OTOGL: variants seen among roughly 807,000 people sequenced by gnomAD.
The protein encoded by OTOGL is otogelin-like protein.
OTOGL carries 285 observed loss-of-function variants against 318.5 expected under a neutral mutation model. That is an observed-to-expected ratio of 0.89 (90% CI 0.81 to 0.99). The LOEUF (loss-of-function observed/expected upper bound fraction) is 0.99, where lower values mean the gene tolerates loss of function less well. Ranked by LOEUF, OTOGL falls within the 50% of genes least tolerant of loss-of-function variation. The probability of loss-of-function intolerance (pLI) is 0.00; values close to 1 mark genes in which losing one functional copy is unlikely to be tolerated. For synonymous variants in OTOGL, 987 were observed against 936.5 expected (o/e 1.05, Z -0.99); for missense variants, 2,899 against 2,845.6 (o/e 1.02, Z -0.43).
chr12:80,210,952 A>G, intron 3 of OTOGL, 66 bp downstream of exon 3: 2 of 1,101,810 alleles, frequency 1.8e-6, no homozygotes, highest in Admixed American at 6.6e-5. Flanking sequence ...AAACCTCAGC[A>G]GGCAACTATA....
chr12:80,262,064 T>C lies in OTOGL; in HGVS notation c.1985T>C (p.Val662Ala), dbSNP rs1014677354. The change falls in exon 19 of 59, where the codon GTG becomes GCG. Residue 662 changes from valine (V) to alanine (A), a missense_variant. By Grantham distance (64) the Val-to-Ala change is moderately conservative. Around this residue, in one of 3 missense-constraint regions of OTOGL, gnomAD observed 2,607 missense variants for 2,524.9 expected, o/e 1.03. Transcript: ENST00000547103. ...TCFAPVHVPV[V>A]DPCNINQQNI... ...TTTGCACCTGTTCATGTCCCAGTGG[T>C]GGACCCCTGTAACATCAATCAACAA... The C allele has an allele frequency of 1.2e-6, 2 of 1,612,188 alleles. No individual in the cohort carries two copies. The highest frequency in any genetic ancestry group is 8.5e-7 in the Non-Finnish European group (1 of 1,178,834).
At chr12:80,377,746 G>T in intron 58 of OTOGL, 102 bp from the exon 59 acceptor site, 1 of 902,906 alleles carries the variant, frequency 1.1e-6, no homozygotes, top group South Asian at 1.7e-5. Context: ...GGGTTGGAGT[G>T]ATGAGGAAGA....
At chr12:80,168,535 T>A (rs1329719226) in intron 1 of OTOGL, among the ~76,000 whole-genome samples, 1 of 152,304 alleles carries the variant, frequency 6.6e-6, no homozygotes, top group African/African-American at 2.4e-5. Context: ...CTCATCACTT[T>A]GCACCGTATC....
chr12:80,268,810 TG>T (rs1883196267), intron 22 of OTOGL, among the ~76,000 whole-genome samples: 3 of 151,948 alleles, frequency 2.0e-5, no homozygotes, highest in Non-Finnish European at 2.9e-5. Context: ...CCTTCCTCTC[TG>T]GTGTTCTTGC....
chr12:80,274,032 C>T (rs1565946810), intron 24 of OTOGL, among the ~76,000 whole-genome samples: 1 of 151,966 alleles, frequency 6.6e-6, no homozygotes, highest in African/African-American at 2.4e-5. Flanking sequence ...TTGCTCTTCT[C>T]AGGTCTCTCT....
chr12:80,335,230 C>T (rs1351450496), intron 38 of OTOGL, among the ~76,000 whole-genome samples: 1 of 152,086 alleles, frequency 6.6e-6, no homozygotes, highest in African/African-American at 2.4e-5. Context: ...TAGATGCTGA[C>T]TCTACTATCT....
chr12:80,358,803 C>A (rs1172633510), intron 51 of OTOGL, 28 bp downstream of exon 51: 1 of 1,570,874 alleles, frequency 6.4e-7, no homozygotes. Context: ...TTTAAGGTTT[C>A]ATTATAATAA....
At chr12:80,126,567 A>T (rs903762402) in intron 1 of OTOGL, among the ~76,000 whole-genome samples, 4 of 152,206 alleles carry the variant, frequency 2.6e-5, no homozygotes, top group African/African-American at 4.8e-5. Flanking sequence ...CGCTTGGTGC[A>T]GAGCTGAGTT....
intron 1 of OTOGL, among the ~76,000 whole-genome samples, chr12:80,146,474 G>A (rs1294771804): frequency 6.6e-6 from 1 of 151,620 alleles, no homozygotes; most frequent in African/African-American, 2.4e-5. Flanking sequence ...ATTTTATTGA[G>A]GATTTTTGCA....
rs578116718 is a variant in OTOGL at position 80,182,259 on chromosome 12, G to A, written c.-19-27154G>A. On this transcript the variant is annotated intron_variant, in intron 1 of 58. Coordinates refer to ENST00000547103, the MANE Select transcript of OTOGL (RefSeq NM_001378609.3). ...AATGTTATCAAAACTTCCTACTCAT[G>A]TCAGTGAAATCTATAACAGAGGCTT... Among the ~76,000 whole-genome samples, 112 of 152,270 alleles carry A rather than the reference G, an allele frequency of 7.4e-4. 1 individual carries two copies. Among genetic ancestry groups the A allele is most frequent in the African/African-American group, 2.6e-3 (109 of 41,564 alleles).
chr12:80,199,498 T>A (rs1299670187), intron 1 of OTOGL, among the ~76,000 whole-genome samples: 2 of 152,250 alleles, frequency 1.3e-5, no homozygotes. Context: ...AGAGAGGCCA[T>A]CTTATTCATT....
At chr12:80,300,863 A>G (rs1885712640) in intron 27 of OTOGL, among the ~76,000 whole-genome samples, 1 of 152,220 alleles carries the variant, frequency 6.6e-6, no homozygotes, top group African/African-American at 2.4e-5. Context: ...GAGCCAGCAT[A>G]GCTGAAGCTT....
At chr12:80,282,382 G>T (rs1406256040) in intron 26 of OTOGL, among the ~76,000 whole-genome samples, 3 of 151,772 alleles carry the variant, frequency 2.0e-5, no homozygotes, top group Non-Finnish European at 2.9e-5. Context: ...CTTAAGGAAG[G>T]TTCTTGCTTA....
chr12:80,108,906 G>GTA (rs573138130), intron 1 of OTOGL, among the ~76,000 whole-genome samples: 3,106 of 124,398 alleles, frequency 0.025, 209 homozygotes, highest in African/African-American at 0.1. Flanking sequence ...ATATATATGT[G>GTA]TATATATATG....
intron 11 of OTOGL, among the ~76,000 whole-genome samples, chr12:80,249,584 C>T (rs903819149): frequency 6.6e-6 from 1 of 152,008 alleles, no homozygotes; most frequent in African/African-American, 2.4e-5. Context: ...CAGACAGGGA[C>T]ATTTAAGTCT....
intron 1 of OTOGL, chr12:80,133,501 G>T (rs1031315869): frequency 6.6e-6 from 1 of 152,004 alleles, no homozygotes; most frequent in African/African-American, 2.4e-5. Flanking sequence ...GTTACTCAGG[G>T]TAAAATGTTT....
In OTOGL at chr12:80,185,334, G is replaced by A. The variant is rs182013247; in HGVS notation, c.-19-24079G>A. 1.9e-3 allele frequency among the ~76,000 whole-genome samples: 283 copies of A among 152,172 alleles called. 2 individuals are homozygous for A. The highest frequency in any genetic ancestry group is 6.5e-3 in the African/African-American group (271 of 41,500). Reference sequence around the variant, plus strand: ...GTCTCCCTCTGTTGCCCAGTCTGGAGTGCAGTGGTGCAATCTTGGCTCACT... The same window carrying A: ...GTCTCCCTCTGTTGCCCAGTCTGGAATGCAGTGGTGCAATCTTGGCTCACT... On this transcript the variant is annotated intron_variant, in intron 1 of 58. Transcript: ENST00000547103.
chr12:80,224,169 A>G (rs1488429471), intron 7 of OTOGL, among the ~76,000 whole-genome samples: 2 of 152,074 alleles, frequency 1.3e-5, no homozygotes, highest in Non-Finnish European at 2.9e-5. Flanking sequence ...TCCCAGCACC[A>G]TTTGTTGAAT....
intron 19 of OTOGL, among the ~76,000 whole-genome samples, chr12:80,262,933 T>A (rs1443151233): frequency 6.6e-6 from 1 of 152,160 alleles, no homozygotes; most frequent in Non-Finnish European, 1.5e-5. Context: ...CTCATATTGG[T>A]TGAGCTTTCA....
Sources: allele counts gnomAD v4.1 joint callset (sites outside exome capture counted in the v4.1 genomes callset), GRCh38; gene constraint gnomAD v4.1.1; regional missense constraint gnomAD v4.1.1; transcripts MANE v1.5; gene names NCBI Gene and HGNC (gene_info 2026-07-23, HGNC 2026-07-21).